NFIB: variants seen among roughly 807,000 people sequenced by gnomAD.
The protein encoded by NFIB is nuclear factor 1 B-type.
In NFIB, 11 loss-of-function variants were observed where a neutral mutation model predicts 61.5. That is an observed-to-expected ratio of 0.18 (90% CI 0.11 to 0.30). The LOEUF (loss-of-function observed/expected upper bound fraction) is 0.30. Among genes scored for constraint, NFIB ranks in the 10% least tolerant of loss-of-function variants. The probability of loss-of-function intolerance (pLI) is 1.00; values close to 1 mark genes in which losing one functional copy is unlikely to be tolerated. For missense variants in NFIB, 471 were observed against 608.9 expected (o/e 0.77, Z 2.38); for synonymous variants, 260 against 216.5 (o/e 1.20, Z -1.76).
chr9:14,186,674 C>T (rs921980506), intron 2 of NFIB, among the ~76,000 whole-genome samples: 1 of 152,076 alleles, frequency 6.6e-6, no homozygotes, highest in Non-Finnish European at 1.5e-5. Flanking sequence ...CTACCTCACT[C>T]TTTGCAGTTT....
At chr9:14,331,296 G>A (rs765012389) in intron 1 of NFIB, among the ~76,000 whole-genome samples, 26 of 152,096 alleles carry the variant, frequency 1.7e-4, no homozygotes, top group African/African-American at 5.1e-4. Flanking sequence ...TCCCAAGCCC[G>A]TTGCCATAGC....
chr9:14,472,874 C>G, the NFIB span, among the ~76,000 whole-genome samples: 1 of 152,096 alleles, frequency 6.6e-6, no homozygotes. Flanking sequence ...AAGGATTGGT[C>G]TGCAACAGAT....
intron 1 of NFIB, among the ~76,000 whole-genome samples, chr9:14,337,318 C>T (rs565635276): frequency 1.3e-5 from 2 of 152,138 alleles, no homozygotes; most frequent in East Asian, 3.9e-4. Context: ...AAGAAAGAAG[C>T]AAGTCATAAA....
At chr9:14,100,172 A>G (rs1258000671) in intron 10 of NFIB, among the ~76,000 whole-genome samples, 1 of 152,214 alleles carries the variant, frequency 6.6e-6, no homozygotes, top group Non-Finnish European at 1.5e-5. Context: ...AATCAAAAGA[A>G]AAGTTACAAT....
intron 10 of NFIB, among the ~76,000 whole-genome samples, chr9:14,095,679 C>A (rs1381861557): frequency 6.6e-6 from 1 of 151,880 alleles, no homozygotes; most frequent in Non-Finnish European, 1.5e-5. Context: ...AAAAGAGATT[C>A]TTTTATAAAT....
chr9:14,332,896 A>C (rs895275220), intron 1 of NFIB, among the ~76,000 whole-genome samples: 24 of 152,316 alleles, frequency 1.6e-4, no homozygotes, highest in African/African-American at 5.8e-4. Flanking sequence ...CAGTCTGTTC[A>C]ATGAGGTCGG....
intron 1 of NFIB, among the ~76,000 whole-genome samples, chr9:14,375,540 C>A (rs1454676142): frequency 6.6e-6 from 1 of 152,084 alleles, no homozygotes; most frequent in Admixed American, 6.6e-5. Flanking sequence ...CACCTGCAAT[C>A]CCAGCGACTT....
chr9:14,224,692 A>G (rs906054613), intron 2 of NFIB, among the ~76,000 whole-genome samples: 1 of 152,194 alleles, frequency 6.6e-6, no homozygotes, highest in Admixed American at 6.5e-5. Context: ...ATACTATGCC[A>G]TTTTATACAA....
At chr9:14,401,308 C>G (rs1401241347), upstream of NFIB, among the ~76,000 whole-genome samples, 1 of 152,214 alleles carries the variant, frequency 6.6e-6, no homozygotes, top group Non-Finnish European at 1.5e-5. Context: ...TCTACCTGCT[C>G]TATTTTCTAA....
At chr9:14,294,432 T>C (rs916539079) in intron 2 of NFIB, among the ~76,000 whole-genome samples, 7 of 152,360 alleles carry the variant, frequency 4.6e-5, no homozygotes, top group Non-Finnish European at 8.8e-5. Context: ...GCTTTTCAAA[T>C]ACATTAGAAA....
At chr9:14,292,552 A>G (rs1371043918) in intron 2 of NFIB, among the ~76,000 whole-genome samples, 1 of 152,240 alleles carries the variant, frequency 6.6e-6, no homozygotes, top group Non-Finnish European at 1.5e-5. Context: ...AATTCCTAGG[A>G]TGCTAGAGCT....
intron 1 of NFIB, among the ~76,000 whole-genome samples, chr9:14,323,873 GTGAATAA>G (rs2060719619): frequency 2.0e-5 from 3 of 152,276 alleles, no homozygotes; most frequent in Middle Eastern, 3.4e-3. Context: ...TTGGCTGTGT[GTGAATAA>G]TATACATAGC....
chr9:14,288,155 G>A (rs1049490039), intron 2 of NFIB, among the ~76,000 whole-genome samples: 2 of 152,018 alleles, frequency 1.3e-5, no homozygotes, highest in South Asian at 4.1e-4. Context: ...ATTGACACAT[G>A]ACAAATATAT....
At chr9:14,111,041 T>C (rs901310500) in intron 10 of NFIB, among the ~76,000 whole-genome samples, 7 of 152,128 alleles carry the variant, frequency 4.6e-5, no homozygotes, top group Non-Finnish European at 7.4e-5. Flanking sequence ...TATAGTTGAC[T>C]GAACAAAACG....
chr9:14,274,404 G>C (rs1339049465), intron 2 of NFIB, among the ~76,000 whole-genome samples: 1 of 152,136 alleles, frequency 6.6e-6, no homozygotes, highest in Non-Finnish European at 1.5e-5. Flanking sequence ...TAGTCAGAAG[G>C]GATGTCTTTT....
chr9:14,255,416 C>A (rs2132174811), intron 2 of NFIB, among the ~76,000 whole-genome samples: 1 of 152,278 alleles, frequency 6.6e-6, no homozygotes, highest in South Asian at 2.1e-4. Flanking sequence ...ATATCAATGA[C>A]TGTGAGCATC....
intron 10 of NFIB, among the ~76,000 whole-genome samples, chr9:14,095,121 C>T (rs1401871939): frequency 1.3e-5 from 2 of 152,096 alleles, no homozygotes; most frequent in African/African-American, 2.4e-5. Flanking sequence ...TTGAAGCCTT[C>T]GATATAGCAA....
At chr9:14,314,916 C>T (rs2060470424), upstream of NFIB, among the ~76,000 whole-genome samples, 1 of 151,910 alleles carries the variant, frequency 6.6e-6, no homozygotes, top group Admixed American at 6.5e-5. Context: ...TCTTTTAAGC[C>T]GCGGGAACAT....
At chr9:14,420,627 C>T in the NFIB span, among the ~76,000 whole-genome samples, 1 of 152,044 alleles carries the variant, frequency 6.6e-6, no homozygotes, top group Admixed American at 6.6e-5. Context: ...CTCTAGCCTA[C>T]CACTGATGCT....
Sources: allele counts gnomAD v4.1 joint callset (sites outside exome capture counted in the v4.1 genomes callset), GRCh38; gene constraint gnomAD v4.1.1; transcripts MANE v1.5; gene names NCBI Gene and HGNC (gene_info 2026-07-23, HGNC 2026-07-21).